Variants in LRRTM4 observed in about 807,000 individuals in gnomAD.
LRRTM4 encodes leucine-rich repeat transmembrane neuronal protein 4.
LRRTM4 carries 25 observed loss-of-function variants against 47.6 expected under a neutral mutation model. The ratio of observed to expected loss-of-function variants is 0.53; its 90% CI spans 0.38 to 0.73. The LOEUF (loss-of-function observed/expected upper bound fraction) is 0.73, where lower values mean the gene tolerates loss of function less well. LRRTM4 is among the 30% of genes least tolerant of loss of function. LRRTM4 has a pLI of 0.00. For missense variants in LRRTM4, 638 were observed against 713.4 expected, an observed-to-expected ratio of 0.89 and a Z score of 1.20; for synonymous variants, 311 against 269.5, an observed-to-expected ratio of 1.15 and a Z score of -1.51.
intron 3 of LRRTM4, among the ~76,000 whole-genome samples, chr2:77,119,675 C>T (rs535917354): frequency 2.0e-5 from 3 of 151,796 alleles, no homozygotes; most frequent in South Asian, 4.2e-4. Context: ...TTTAGAGAAT[C>T]GTAAAAAAGA....
Position 77,417,256 on chromosome 2 carries a change from G to A in LRRTM4, c.1551+101062C>T, listed in dbSNP as rs111340637. Among the ~76,000 whole-genome samples the A allele has an allele frequency of 7.9e-4, 121 of 152,266 alleles. 1 individual carries two copies. Among genetic ancestry groups the A allele is most frequent in the African/African-American group, 2.7e-3 (112 of 41,536 alleles). On this transcript the variant is annotated intron_variant, in intron 3 of 3. Coordinates refer to ENST00000409884, the MANE Select transcript of LRRTM4 (RefSeq NM_001134745.3). ...GTCAGGAAACAACAGGTGCTGGAGA[G>A]GATGTGGAGAAATAGGAACACTTTT...
chr2:77,477,559 T>C (rs6742914), intron 3 of LRRTM4, among the ~76,000 whole-genome samples: 94,527 of 151,824 alleles, frequency 0.62, 29,739 homozygotes, highest in Middle Eastern at 0.72. Flanking sequence ...TCAAAGCCAC[T>C]AGGCCAGGCA....
intron 3 of LRRTM4, among the ~76,000 whole-genome samples, chr2:77,417,312 A>G (rs914725769): frequency 5.3e-5 from 8 of 152,166 alleles, no homozygotes; most frequent in Non-Finnish European, 7.3e-5. Context: ...AACTAGTTCA[A>G]CCATTGTGGA....
chr2:77,285,171 C>T (rs1573194686), intron 3 of LRRTM4, among the ~76,000 whole-genome samples: 1 of 151,490 alleles, frequency 6.6e-6, no homozygotes, highest in East Asian at 2.0e-4. Context: ...CATTTTCTTG[C>T]AATAGAAAGC....
At chr2:77,484,502 T>C (rs1205580362) in intron 3 of LRRTM4, among the ~76,000 whole-genome samples, 2 of 152,218 alleles carry the variant, frequency 1.3e-5, no homozygotes, top group Non-Finnish European at 2.9e-5. Context: ...GATTTGTCTG[T>C]GGTATGGGGA....
chr2:77,090,749 G>T (rs1172809744), intron 3 of LRRTM4, among the ~76,000 whole-genome samples: 1 of 152,108 alleles, frequency 6.6e-6, no homozygotes, highest in Non-Finnish European at 1.5e-5. Flanking sequence ...CTGGAAATCG[G>T]ACTGTTCAAC....
intron 3 of LRRTM4, among the ~76,000 whole-genome samples, chr2:76,894,050 GTTAA>G (rs1188258886): frequency 1.3e-5 from 2 of 151,860 alleles, no homozygotes; most frequent in Non-Finnish European, 2.9e-5. Flanking sequence ...AAAAATATCA[GTTAA>G]TTAATTGTAT....
Position 76,776,027 on chromosome 2 carries a change from A to G in LRRTM4, c.1552-27111T>C, listed in dbSNP as rs865982490. ...GCGGTGTTTGGTTTTTTGTTCTTGC[A>G]GTAGTTTACTGAGAATGATGATTTC... On this transcript the variant is annotated intron_variant, in intron 3 of 3. Transcript: ENST00000409884. Among the ~76,000 whole-genome samples the G allele has an allele frequency of 8.8e-3, 1,333 of 151,922 alleles. 23 individuals carry two copies. Among genetic ancestry groups the G allele is most frequent in the African/African-American group, 0.03 (1,249 of 41,398 alleles).
intron 3 of LRRTM4, among the ~76,000 whole-genome samples, chr2:77,339,255 A>T (rs182905479): frequency 6.6e-6 from 1 of 152,040 alleles, no homozygotes; most frequent in African/African-American, 2.4e-5. Context: ...TAAAAATTTT[A>T]AAAAACTGTA....
chr2:77,350,433 T>C (rs1671725804), intron 3 of LRRTM4, among the ~76,000 whole-genome samples: 1 of 138,550 alleles, frequency 7.2e-6, no homozygotes, highest in Non-Finnish European at 1.6e-5. Context: ...ACATTTGAAA[T>C]AAATATTTAA....
chr2:77,417,529 T>C (rs1674683408), intron 3 of LRRTM4, among the ~76,000 whole-genome samples: 1 of 152,162 alleles, frequency 6.6e-6, no homozygotes, highest in Non-Finnish European at 1.5e-5. Flanking sequence ...TAAGAAAATG[T>C]GGCACATATA....
intron 3 of LRRTM4, among the ~76,000 whole-genome samples, chr2:76,996,391 G>C (rs1677203914): frequency 6.6e-6 from 1 of 151,996 alleles, no homozygotes; most frequent in African/African-American, 2.4e-5. Flanking sequence ...ATTTTGCTTA[G>C]AGTCCTATAA....
intron 3 of LRRTM4, among the ~76,000 whole-genome samples, chr2:77,428,002 G>A (rs1446078283): frequency 6.6e-6 from 1 of 152,048 alleles, no homozygotes; most frequent in Non-Finnish European, 1.5e-5. Context: ...TGAACCATAG[G>A]GCAGTTACTC....
At chr2:77,480,929 G>A (rs918412419) in intron 3 of LRRTM4, among the ~76,000 whole-genome samples, 5 of 150,932 alleles carry the variant, frequency 3.3e-5, no homozygotes, top group African/African-American at 9.7e-5. Flanking sequence ...ATGATGCAAC[G>A]AAGAATCACT....
At chr2:76,992,813 C>A (rs1677055910) in intron 3 of LRRTM4, among the ~76,000 whole-genome samples, 3 of 133,926 alleles carry the variant, frequency 2.2e-5, no homozygotes, top group Admixed American at 7.8e-5. Flanking sequence ...CCAAGATAGC[C>A]AAAGAAATCC....
intron 3 of LRRTM4, among the ~76,000 whole-genome samples, chr2:76,913,396 T>C (rs1201520481): frequency 6.6e-6 from 1 of 152,110 alleles, no homozygotes; most frequent in Non-Finnish European, 1.5e-5. Flanking sequence ...TATCTGTTCA[T>C]TTATTTAACT....
At chr2:77,245,607 G>A (rs781140443) in intron 3 of LRRTM4, among the ~76,000 whole-genome samples, 56 of 133,330 alleles carry the variant, frequency 4.2e-4, no homozygotes, top group Middle Eastern at 4.1e-3. Context: ...AAAACAGCTA[G>A]GATTCACTTT....
At chr2:77,006,243 A>C (rs550405347) in intron 3 of LRRTM4, among the ~76,000 whole-genome samples, 1 of 152,274 alleles carries the variant, frequency 6.6e-6, no homozygotes, top group African/African-American at 2.4e-5. Context: ...GCTAGGATCC[A>C]TTCTTTAATC....
At chr2:77,159,163 A>C in intron 3 of LRRTM4, among the ~76,000 whole-genome samples, 1 of 151,354 alleles carries the variant, frequency 6.6e-6, no homozygotes, top group East Asian at 1.9e-4. Flanking sequence ...CACTTCACCA[A>C]CAGGTGATTT....
Sources: allele counts gnomAD v4.1 joint callset (sites outside exome capture counted in the v4.1 genomes callset), GRCh38; gene constraint gnomAD v4.1.1; transcripts MANE v1.5; gene names NCBI Gene and HGNC (gene_info 2026-07-23, HGNC 2026-07-21).